Variants in OIP5 observed in about 807,000 individuals in gnomAD.
The protein encoded by OIP5 is Opa interacting protein 5.
Under a neutral mutation model 20.3 loss-of-function variants are expected in OIP5, and 24 were observed. That is an observed-to-expected ratio of 1.18 (90% CI 0.86 to 1.66). OIP5 has a LOEUF of 1.66. OIP5 is among the 40% of genes most tolerant of loss of function. The probability of loss-of-function intolerance (pLI) is 0.00; values close to 1 mark genes in which losing one functional copy is unlikely to be tolerated. For synonymous variants in OIP5, 143 were observed against 121.3 expected, an observed-to-expected ratio of 1.18 and a Z score of -1.17; for missense variants, 339 against 289.5, an observed-to-expected ratio of 1.17 and a Z score of -1.24.
intron 2 of OIP5, among the ~76,000 whole-genome samples, chr15:41,320,210 T>G (rs1267668759): frequency 2.0e-5 from 3 of 152,154 alleles, no homozygotes; most frequent in Admixed American, 2.0e-4. Context: ...AAAATCAAGG[T>G]TTGTCTTTTG....
intron 1 of OIP5, 65 bp from the exon 2 acceptor site, chr15:41,332,046 T>A: frequency 6.7e-7 from 1 of 1,493,592 alleles, no homozygotes; most frequent in Non-Finnish European, 9.3e-7. Flanking sequence ...ATCTCTCCTC[T>A]AGACAGACTC....
chr15:41,325,741 T>C (rs1416563403), intron 2 of OIP5, among the ~76,000 whole-genome samples: 1 of 149,498 alleles, frequency 6.7e-6, no homozygotes, highest in African/African-American at 2.5e-5. Flanking sequence ...TCCCAGCTAC[T>C]AGGGAGGCTG....
At chr15:41,316,080 A>G (rs2047787200) in intron 3 of OIP5, among the ~76,000 whole-genome samples, 2 of 152,096 alleles carry the variant, frequency 1.3e-5, no homozygotes, top group African/African-American at 4.8e-5. Context: ...GTGAGCCGAG[A>G]TGGTGCCACT....
In OIP5 at chr15:41,332,472, T is replaced by C; in HGVS notation, c.90A>G (p.Gln30=). The C allele has an allele frequency of 6.2e-7, 1 of 1,614,080 alleles. No homozygotes were observed. Among genetic ancestry groups the C allele is most frequent in the Non-Finnish European group, 8.5e-7 (1 of 1,179,934 alleles). ...FCGGTERAID[Q]ASFTTSMEWD... is the part of the protein sequence containing the mutation. The stretch of plus-strand genomic sequence containing the variant: ...ACTCCATGGAGGTCGTAAAAGAAGC[T>C]TGGTCAATCGCCCTCTCAGTGCCAC... Residue 30 remains glutamine (Q), a synonymous_variant, in exon 1 of 5, where the codon CAA becomes CAG. Coordinates refer to ENST00000220514, the MANE Select transcript of OIP5 (RefSeq NM_007280.2).
At chr15:41,317,671 C>T (rs747339361) in intron 3 of OIP5, among the ~76,000 whole-genome samples, 4 of 152,018 alleles carry the variant, frequency 2.6e-5, no homozygotes, top group East Asian at 1.9e-4. Flanking sequence ...TGAGCTACCA[C>T]GCCCAGCACC....
chr15:41,319,610 A>G, intron 3 of OIP5, 48 bp downstream of exon 3: 3 of 1,550,022 alleles, frequency 1.9e-6, no homozygotes, highest in Non-Finnish European at 2.6e-6. Flanking sequence ...TTGTCTCAAA[A>G]TAAATAAAAT....
chr15:41,316,883 T>C (rs2047791959), intron 3 of OIP5, among the ~76,000 whole-genome samples: 1 of 151,686 alleles, frequency 6.6e-6, no homozygotes, highest in Non-Finnish European at 1.5e-5. Flanking sequence ...TGCTCAAATC[T>C]CAGCTCTTCC....
At chr15:41,318,984 C>T (rs901476108) in intron 3 of OIP5, among the ~76,000 whole-genome samples, 4 of 152,012 alleles carry the variant, frequency 2.6e-5, no homozygotes, top group Non-Finnish European at 5.9e-5. Context: ...ATTACAGGCG[C>T]GAGCCATCAC....
chr15:41,320,973 C>T (rs879523512), intron 2 of OIP5, among the ~76,000 whole-genome samples: 25 of 151,496 alleles, frequency 1.7e-4, no homozygotes, highest in Non-Finnish European at 3.2e-4. Flanking sequence ...TGCCCGGCCG[C>T]GACCCTGCCT....
chr15:41,332,141 C>G, intron 1 of OIP5, 99 bp downstream of exon 1: 1 of 1,404,178 alleles, frequency 7.1e-7, no homozygotes. Context: ...CTTTTCATCC[C>G]GTTTTCTTCC....
intron 3 of OIP5, 139 bp downstream of exon 3, chr15:41,319,519 G>A: frequency 1.3e-6 from 1 of 742,164 alleles, no homozygotes; most frequent in Non-Finnish European, 2.1e-6. Flanking sequence ...CTCCTAAAGT[G>A]CTGGGATTAC....
intron 3 of OIP5, among the ~76,000 whole-genome samples, chr15:41,319,163 C>T (rs1222494815): frequency 4.0e-5 from 6 of 151,576 alleles, no homozygotes; most frequent in Admixed American, 2.6e-4. Context: ...ACCTCCACCT[C>T]TCAGGTTGAA....
At chr15:41,324,993 G>C (rs2047852779) in intron 2 of OIP5, among the ~76,000 whole-genome samples, 1 of 152,184 alleles carries the variant, frequency 6.6e-6, no homozygotes, top group Non-Finnish European at 1.5e-5. Context: ...ACACAGGCAT[G>C]TATTGATTAA....
intron 2 of OIP5, among the ~76,000 whole-genome samples, chr15:41,324,154 C>T (rs185266245): frequency 5.3e-5 from 8 of 152,010 alleles, no homozygotes; most frequent in African/African-American, 1.2e-4. Context: ...CCACCACATC[C>T]GGCTAAATTT....
chr15:41,328,387 C>CAG (rs1217688939), intron 2 of OIP5, among the ~76,000 whole-genome samples: 2 of 152,164 alleles, frequency 1.3e-5, no homozygotes, highest in African/African-American at 2.4e-5. Context: ...GACAGGTAGA[C>CAG]AGAGGTTCAT....
rs771639385 is a variant in OIP5, at chr15:41,332,514, G to A, written c.48C>T (p.Pro16=). 15 of 1,613,398 alleles carry A rather than the reference G, an allele frequency of 9.3e-6. No individual in the cohort carries two copies. The highest frequency in any genetic ancestry group is 2.7e-5 in the African/African-American group (2 of 74,898). The part of the protein sequence containing the change: ...LRHRSRCATP[P]RGDFCGGTER... The stretch of plus-strand genomic sequence containing the variant: ...CAGTGCCACCACAAAAGTCCCCCCG[G>A]GGCGGCGTTGCACAACGTGAGCGAT... The change falls in exon 1 of 5, where the codon CCC becomes CCT. Residue 16 remains proline, a synonymous_variant. Coordinates refer to ENST00000220514, the MANE Select transcript of OIP5 (RefSeq NM_007280.2).
intron 2 of OIP5, among the ~76,000 whole-genome samples, chr15:41,326,541 G>A (rs190238870): frequency 1.5e-4 from 23 of 152,120 alleles, no homozygotes; most frequent in African/African-American, 3.6e-4. Flanking sequence ...CTCCTGACTC[G>A]GCCTCCCAAG....
rs961766991 is a variant in OIP5, at chr15:41,313,358, G to C, written c.513-4C>G. 7.8e-6 allele frequency: 12 copies of C among 1,548,054 alleles called. No individual in the cohort carries two copies. Among genetic ancestry groups the C allele is most frequent in the Non-Finnish European group, 9.7e-6 (11 of 1,129,024 alleles). On this transcript the variant is annotated splice_region_variant and splice_polypyrimidine_tract_variant and intron_variant, in intron 3 of 4. Transcript: ENST00000220514. The stretch of plus-strand genomic sequence containing the variant: ...GGCTTTTGTTTTTAAGAGATAGCTA[G>C]ATAGGAAAAAAGAAAAATATTAGTG...
intron 2 of OIP5, among the ~76,000 whole-genome samples, chr15:41,331,367 T>C (rs1442553257): frequency 6.6e-6 from 1 of 152,146 alleles, no homozygotes; most frequent in African/African-American, 2.4e-5. Context: ...CTAACCATAA[T>C]CGCAAACTTA....
Sources: allele counts gnomAD v4.1 joint callset (sites outside exome capture counted in the v4.1 genomes callset), GRCh38; gene constraint gnomAD v4.1.1; transcripts MANE v1.5; gene names NCBI Gene and HGNC (gene_info 2026-07-23, HGNC 2026-07-21).